CACHD1: variants seen among roughly 807,000 people sequenced by gnomAD.
CACHD1 encodes the protein VWFA and cache domain-containing protein 1.
CACHD1 carries 71 observed loss-of-function variants against 138.7 expected under a neutral mutation model. The ratio of observed to expected loss-of-function variants is 0.51; its 90% CI spans 0.42 to 0.62. The LOEUF is 0.62. Ranked by LOEUF, CACHD1 falls within the 20% of genes least tolerant of loss-of-function variation. CACHD1 has a pLI of 0.00. For synonymous variants in CACHD1, 578 were observed against 591.5 expected, an observed-to-expected ratio of 0.98 and a Z score of 0.33; for missense variants, 1,389 against 1,625.3, an observed-to-expected ratio of 0.85 and a Z score of 2.50.
At chr1:64,485,936 C>G (rs1323469311) in intron 1 of CACHD1, among the ~76,000 whole-genome samples, 1 of 152,036 alleles carries the variant, frequency 6.6e-6, no homozygotes, top group Non-Finnish European at 1.5e-5. Context: ...TAAGAAACTG[C>G]CAGTCTATTT....
rs534864999 is a variant in CACHD1 at position 64,551,086 on chromosome 1, AAC to A, written c.261+432_261+433del. On this transcript the variant is annotated intron_variant, in intron 2 of 26. Coordinates refer to ENST00000651257, the MANE Select transcript of CACHD1 (RefSeq NM_020925.4). The stretch of plus-strand genomic sequence containing the variant: ...CAGTTTCTCAATCTTAAATAAGAGG[AAC>A]ATAATACTGCCTTATGGGGTTGTGA... 5.1e-4 allele frequency among the ~76,000 whole-genome samples: 77 copies of A among 152,336 alleles called. 2 individuals carry two copies. In the South Asian group the frequency reaches 0.016, roughly 31 times the overall value.
chr1:64,612,077 A>C (rs1275202711), intron 4 of CACHD1, among the ~76,000 whole-genome samples: 1 of 152,116 alleles, frequency 6.6e-6, no homozygotes, highest in Non-Finnish European at 1.5e-5. Context: ...GTGAGAACTC[A>C]CTATCATGAG....
chr1:64,654,888 C>T, intron 12 of CACHD1, 85 bp downstream of exon 12: 1 of 958,482 alleles, frequency 1.0e-6, no homozygotes. Flanking sequence ...CAGGGGGTGG[C>T]ACTTGGGTCT....
At chr1:64,620,636 C>T (rs1246196816) in intron 4 of CACHD1, among the ~76,000 whole-genome samples, 3 of 152,090 alleles carry the variant, frequency 2.0e-5, no homozygotes, top group African/African-American at 7.2e-5. Context: ...CTTGAAATAT[C>T]GTGTATACTC....
At chr1:64,559,795 C>T (rs575065326) in intron 2 of CACHD1, among the ~76,000 whole-genome samples, 15 of 152,278 alleles carry the variant, frequency 9.9e-5, no homozygotes, top group African/African-American at 2.2e-4. Flanking sequence ...ATTTTCTCTG[C>T]GAGCAGGTTT....
chr1:64,560,726 C>T (rs1570366504), intron 2 of CACHD1, among the ~76,000 whole-genome samples: 1 of 151,962 alleles, frequency 6.6e-6, no homozygotes, highest in East Asian at 1.9e-4. Flanking sequence ...TTGTTCACAT[C>T]ATTTGTGTAT....
chr1:64,641,820 A>G lies in CACHD1; in HGVS notation c.1007A>G (p.Asn336Ser), dbSNP rs1428404899. The G allele has an allele frequency of 7.7e-6, 12 of 1,563,436 alleles. No homozygotes were observed. Among genetic ancestry groups the G allele is most frequent in the Non-Finnish European group, 1.0e-5 (12 of 1,162,228 alleles). Residue 336 changes from asparagine to serine, a missense_variant and splice_region_variant, in exon 8 of 27, where the codon AAT (asparagine) becomes AGT (serine). This residue lies in a region of CACHD1 where 1,000 missense variants were observed against 1,114.7 expected (regional missense o/e 0.90). Coordinates refer to ENST00000651257, the MANE Select transcript of CACHD1 (RefSeq NM_020925.4). ...ATTCAATTGATGTGTTTTTGTTTAGATACAGACATGGTCATCATTTACCTG... is the reference window on the plus strand; with the variant it reads ...ATTCAATTGATGTGTTTTTGTTTAGGTACAGACATGGTCATCATTTACCTG... ...STNNNTKFQA[N>S]TDMVIIYLSA...
Position 64,692,443 on chromosome 1 carries a change from T to C in CACHD1, c.*882T>C, listed in dbSNP as rs547422706. 1 of 152,342 alleles carries C rather than the reference T, an allele frequency of 6.6e-6. No homozygotes were observed. Among genetic ancestry groups the C allele is most frequent in the Non-Finnish European group, 1.5e-5 (1 of 68,032 alleles). 9.4% of individuals were successfully genotyped at this position (152,342 alleles called of 1,614,324 possible). A position where few individuals can be genotyped will look rare whatever the true frequency, so the allele number is the denominator to read the frequency against. On this transcript the variant is annotated 3_prime_UTR_variant, in exon 27 of 27. Transcript: ENST00000651257. ...TATGTTTCTTATGACTTGTTTCCAC[T>C]CCTCGTACAATGCTATTCTTAGGTT...
intron 1 of CACHD1, among the ~76,000 whole-genome samples, chr1:64,545,799 A>T (rs931375829): frequency 6.6e-6 from 1 of 152,218 alleles, no homozygotes; most frequent in Non-Finnish European, 1.5e-5. Context: ...TCCAAGGTGC[A>T]TGCATTAATG....
intron 2 of CACHD1, among the ~76,000 whole-genome samples, chr1:64,555,272 G>A (rs1202754113): frequency 1.3e-5 from 2 of 152,148 alleles, no homozygotes; most frequent in African/African-American, 4.8e-5. Context: ...TTACAGGCAT[G>A]AGCCACTGCA....
intron 9 of CACHD1, among the ~76,000 whole-genome samples, chr1:64,651,404 T>G (rs916094271): frequency 6.6e-6 from 1 of 152,194 alleles, no homozygotes; most frequent in Non-Finnish European, 1.5e-5. Flanking sequence ...TGGGGTATAG[T>G]AATAATACCT....
intron 5 of CACHD1, 55 bp downstream of exon 5, chr1:64,629,536 G>A: frequency 6.4e-7 from 1 of 1,570,834 alleles, no homozygotes; most frequent in Non-Finnish European, 8.6e-7. Context: ...TGATCTACAT[G>A]AAATATAAAA....
At position 64,495,053 on chromosome 1, in the gene CACHD1, A is replaced by G. The variant is rs375929647; in HGVS notation, c.198+24111A>G. On this transcript the variant is annotated intron_variant, in intron 1 of 26. Transcript: ENST00000651257. ...GGAGAATATGGGCATGGGTTATGAGAGGAACTGGTATTAGTTACAGTTCGG... is the reference window on the plus strand; with the variant it reads ...GGAGAATATGGGCATGGGTTATGAGGGGAACTGGTATTAGTTACAGTTCGG... 1.1e-4 allele frequency among the ~76,000 whole-genome samples: 17 copies of G among 152,204 alleles called. 1 individual carries two copies. The highest frequency in any genetic ancestry group is 4.1e-4 in the African/African-American group (17 of 41,520).
At chr1:64,559,910 A>G (rs927701462) in intron 2 of CACHD1, among the ~76,000 whole-genome samples, 1 of 152,054 alleles carries the variant, frequency 6.6e-6, no homozygotes, top group African/African-American at 2.4e-5. Context: ...TCTGTATCCT[A>G]GTATGTCAAT....
intron 2 of CACHD1, among the ~76,000 whole-genome samples, chr1:64,562,452 C>T (rs1340751007): frequency 1.3e-5 from 2 of 150,246 alleles, no homozygotes; most frequent in Admixed American, 6.6e-5. Flanking sequence ...GCTCTGCCAC[C>T]AGGCTGGAGT....
At chr1:64,614,145 A>AT (rs1438530855) in intron 4 of CACHD1, among the ~76,000 whole-genome samples, 4 of 152,224 alleles carry the variant, frequency 2.6e-5, no homozygotes, top group African/African-American at 9.6e-5. Context: ...AAATAAGTGA[A>AT]TATTTGTCAA....
chr1:64,499,826 A>C (rs1646327563), intron 1 of CACHD1, among the ~76,000 whole-genome samples: 1 of 152,236 alleles, frequency 6.6e-6, no homozygotes. Flanking sequence ...ACTATGTTAC[A>C]GCTTTAAAAA....
chr1:64,586,145 C>G (rs1647049518), intron 3 of CACHD1, among the ~76,000 whole-genome samples: 2 of 152,178 alleles, frequency 1.3e-5, no homozygotes, highest in Non-Finnish European at 2.9e-5. Flanking sequence ...CTCACTTCAG[C>G]CTCCATCTAC....
chr1:64,658,973 A>G, intron 13 of CACHD1, 100 bp downstream of exon 13: 1 of 1,018,078 alleles, frequency 9.8e-7, no homozygotes, highest in Non-Finnish European at 1.4e-6. Context: ...AAGATACTGA[A>G]TGCCTGCAGA....
Sources: allele counts gnomAD v4.1 joint callset (sites outside exome capture counted in the v4.1 genomes callset), GRCh38; gene constraint gnomAD v4.1.1; regional missense constraint gnomAD v4.1.1; transcripts MANE v1.5; gene names NCBI Gene and HGNC (gene_info 2026-07-23, HGNC 2026-07-21).